RBFOX1: variants seen among roughly 807,000 people sequenced by gnomAD.
RBFOX1 encodes the protein RNA binding protein fox-1 homolog 1.
A neutral mutation model predicts 57.7 loss-of-function variants in RBFOX1; 8 were observed. The observed-to-expected ratio is 0.14, with a 90% CI of 0.08 to 0.25. The LOEUF is 0.25. RBFOX1 is among the 10% of genes least tolerant of loss of function. RBFOX1 has a pLI of 1.00. For synonymous variants in RBFOX1, 326 were observed against 222.4 expected, an observed-to-expected ratio of 1.47 and a Z score of -4.15; for missense variants, 611 against 548.5, an observed-to-expected ratio of 1.11 and a Z score of -1.14.
At chr16:5,313,402 C>A (rs1171867825) in intron 1 of RBFOX1, among the ~76,000 whole-genome samples, 2 of 152,132 alleles carry the variant, frequency 1.3e-5, no homozygotes, top group Non-Finnish European at 2.9e-5. Flanking sequence ...GGAGGTTAGT[C>A]TGGAAGTGGC....
chr16:6,545,199 T>G (rs1022499030), intron 2 of RBFOX1, among the ~76,000 whole-genome samples: 2 of 152,228 alleles, frequency 1.3e-5, no homozygotes, highest in African/African-American at 4.8e-5. Flanking sequence ...GCCTCCTAAC[T>G]GGTCTCCCTC....
intron 1 of RBFOX1, among the ~76,000 whole-genome samples, chr16:6,222,384 A>T (rs1411901830): frequency 1.3e-5 from 2 of 152,064 alleles, no homozygotes; most frequent in African/African-American, 4.8e-5. Context: ...CATAACAAAA[A>T]GGGTTAGACA....
intron 1 of RBFOX1, among the ~76,000 whole-genome samples, chr16:5,380,979 A>G (rs144979970): frequency 6.0e-4 from 91 of 152,332 alleles, no homozygotes; most frequent in Middle Eastern, 6.8e-3. Context: ...GGCAATAAAG[A>G]TCTGGATTTT....
rs144151496 is a variant in RBFOX1, at chr16:6,010,998, C to G, written c.351+143663C>G. 2.0e-5 allele frequency among the ~76,000 whole-genome samples: 3 copies of G among 152,268 alleles called. No individual in the cohort carries two copies. The East Asian group carries it at 5.8e-4, about 29-fold the overall frequency. The stretch of plus-strand genomic sequence containing the variant: ...TGGAGCATCTATATCCCACCAGTAA[C>G]CACTGCAAATGCATACTCTTCTTTG... On this transcript the variant is annotated intron_variant, in intron 4 of 19. Coordinates refer to the RBFOX1 transcript ENST00000641259.
At chr16:5,967,254 T>A (rs2059865231) in intron 4 of RBFOX1, among the ~76,000 whole-genome samples, 1 of 152,188 alleles carries the variant, frequency 6.6e-6, no homozygotes, top group South Asian at 2.1e-4. Context: ...TACTAATCCC[T>A]AAAAATGAGC....
At chr16:6,708,556 A>T (rs545201841) in intron 3 of RBFOX1, among the ~76,000 whole-genome samples, 2 of 152,162 alleles carry the variant, frequency 1.3e-5, no homozygotes, top group East Asian at 1.9e-4. Flanking sequence ...TTTTTGCCCA[A>T]TGATTTAAGA....
intron 2 of RBFOX1, among the ~76,000 whole-genome samples, chr16:6,453,764 A>C (rs1440115380): frequency 1.3e-5 from 2 of 152,196 alleles, no homozygotes; most frequent in East Asian, 3.8e-4. Flanking sequence ...TGACTGTTTA[A>C]ATTTAAATGT....
At chr16:5,699,930 T>G in intron 3 of RBFOX1, among the ~76,000 whole-genome samples, 3 of 151,982 alleles carry the variant, frequency 2.0e-5, no homozygotes, top group East Asian at 1.9e-4. Context: ...GCCTCCCGGG[T>G]TCACGCCATT....
chr16:6,756,452 A>G (rs553124534), intron 3 of RBFOX1, among the ~76,000 whole-genome samples: 84 of 152,330 alleles, frequency 5.5e-4, no homozygotes, highest in Admixed American at 1.4e-3. Context: ...CAACAGAAAC[A>G]AAATATACAA....
intron 2 of RBFOX1, among the ~76,000 whole-genome samples, chr16:5,596,064 C>G (rs2047170463): frequency 6.6e-6 from 1 of 152,086 alleles, no homozygotes; most frequent in African/African-American, 2.4e-5. Flanking sequence ...AAGAGGACAC[C>G]AGGCCTCTGG....
intron 4 of RBFOX1, among the ~76,000 whole-genome samples, chr16:7,387,908 ACTTTCGC>A (rs1330336608): frequency 2.0e-5 from 3 of 152,036 alleles, no homozygotes; most frequent in Admixed American, 2.0e-4. Flanking sequence ...TTGATTTTCC[ACTTTCGC>A]CTTTATTTTA....
intron 4 of RBFOX1, among the ~76,000 whole-genome samples, chr16:7,055,233 C>A (rs1021524693): frequency 2.6e-5 from 4 of 152,112 alleles, no homozygotes; most frequent in Admixed American, 6.5e-5. Flanking sequence ...GTTTTTCTAA[C>A]TCAGCTGACT....
At chr16:7,591,235 T>C (rs1439104611) in intron 7 of RBFOX1, among the ~76,000 whole-genome samples, 1 of 152,140 alleles carries the variant, frequency 6.6e-6, no homozygotes, top group East Asian at 1.9e-4. Context: ...AAAAGTGAGA[T>C]GAGAGGGCTC....
chr16:6,926,623 C>G (rs1976215), intron 3 of RBFOX1, among the ~76,000 whole-genome samples: 588 of 152,264 alleles, frequency 3.9e-3, no homozygotes, highest in African/African-American at 0.013. Context: ...CTCCCTTTGT[C>G]TTGAAGGTGT....
intron 4 of RBFOX1, among the ~76,000 whole-genome samples, chr16:5,894,935 A>G (rs144085101): frequency 0.018 from 2,799 of 152,238 alleles, 52 homozygotes; most frequent in Admixed American, 0.036. Flanking sequence ...AGGCAGGAGA[A>G]TGGCATGAAC....
intron 3 of RBFOX1, among the ~76,000 whole-genome samples, chr16:6,788,389 A>G (rs777407892): frequency 6.6e-5 from 10 of 151,946 alleles, no homozygotes; most frequent in Admixed American, 1.3e-4. Context: ...TTTCATAATA[A>G]TTATTATCGT....
rs1051747317 is a variant in RBFOX1 at position 6,394,753 on chromosome 16, C to T, written c.-64+77696C>T. The stretch of plus-strand genomic sequence containing the variant: ...AGTCCTCTGTGATTAGGTTCTTAGC[C>T]AAATGCTTGTCTACCAAAACAGCTC... On this transcript the variant is annotated intron_variant, in intron 2 of 15. Transcript: ENST00000550418. Among the ~76,000 whole-genome samples, 11 of 151,792 alleles carry T rather than the reference C, an allele frequency of 7.2e-5. 1 individual carries two copies. Among genetic ancestry groups the T allele is most frequent in the Admixed American group, 5.9e-4 (9 of 15,246 alleles).
intron 4 of RBFOX1, among the ~76,000 whole-genome samples, chr16:7,179,515 T>G (rs1048649131): frequency 2.0e-5 from 3 of 152,184 alleles, no homozygotes; most frequent in Non-Finnish European, 4.4e-5. Context: ...ACCAATTAAT[T>G]ATGTTTGCTG....
At chr16:7,303,892 C>G (rs1401772353) in intron 4 of RBFOX1, among the ~76,000 whole-genome samples, 2 of 151,612 alleles carry the variant, frequency 1.3e-5, no homozygotes, top group Non-Finnish European at 2.9e-5. Context: ...CCCATTCAGC[C>G]TCTTCGGGAG....
Sources: gnomAD v4.1 joint callset for allele counts (sites outside exome capture counted in the v4.1 genomes callset) on GRCh38, gnomAD v4.1.1 for gene constraint, MANE v1.5 for transcripts, NCBI Gene and HGNC (gene_info 2026-07-23, HGNC 2026-07-21) for gene names.